Variants in ATP8B4 observed in about 807,000 individuals in gnomAD.
ATP8B4 encodes the protein ATPase phospholipid transporting 8B4 (putative), also known as probable phospholipid-transporting ATPase IM.
A neutral mutation model predicts 145.6 loss-of-function variants in ATP8B4; 133 were observed. That is an observed-to-expected ratio of 0.91 (90% CI 0.79 to 1.05). ATP8B4 has a LOEUF of 1.05. ATP8B4 is among the 50% of genes least tolerant of loss of function. ATP8B4 has a pLI of 0.00. For synonymous variants in ATP8B4, 507 were observed against 492.9 expected (o/e 1.03, Z -0.38); for missense variants, 1,458 against 1,425.2 (o/e 1.02, Z -0.37).
intron 1 of ATP8B4, among the ~76,000 whole-genome samples, chr15:50,172,644 G>C (rs980994275): frequency 6.7e-6 from 1 of 149,152 alleles, no homozygotes; most frequent in Non-Finnish European, 1.5e-5. Context: ...CGGCCACCCA[G>C]TCTGGGAAGT....
chr15:50,141,205 T>C (rs2044204170), intron 1 of ATP8B4, among the ~76,000 whole-genome samples: 1 of 152,144 alleles, frequency 6.6e-6, no homozygotes, highest in East Asian at 1.9e-4. Context: ...CCTTTTCCTC[T>C]TCCTGTTTGG....
chr15:49,862,497 A>C, intron 26 of ATP8B4, 122 bp from the exon 27 acceptor site: 1 of 1,163,884 alleles, frequency 8.6e-7, no homozygotes, highest in Non-Finnish European at 1.2e-6. Context: ...TCTGTCTTCC[A>C]GGCTGGTGGA....
chr15:49,869,012 G>A (rs1291276847), intron 25 of ATP8B4, among the ~76,000 whole-genome samples: 2 of 152,094 alleles, frequency 1.3e-5, no homozygotes, highest in East Asian at 1.9e-4. Flanking sequence ...GGGTTCAAGC[G>A]ATTCTCCTGC....
At chr15:50,033,954 AGTCCAT>A (rs2050637558) in intron 6 of ATP8B4, among the ~76,000 whole-genome samples, 1 of 152,178 alleles carries the variant, frequency 6.6e-6, no homozygotes, top group African/African-American at 2.4e-5. Context: ...TTCTTCATCC[AGTCCAT>A]TATTGATGGG....
rs1246066998 is a variant in ATP8B4, at chr15:49,979,670, G to C, written c.981C>G (p.Phe327Leu). The change falls in exon 12 of 28, where the codon TTC becomes TTG. Residue 327 changes from phenylalanine (F) to leucine (L), a missense_variant. Transcript: ENST00000284509. ...TATTGAGAATAATAATATATGACCAGAATGTTAAGAATCCGGAGAACACAG... is the reference window on the plus strand; with the variant it reads ...TATTGAGAATAATAATATATGACCACAATGTTAAGAATCCGGAGAACACAG... ...KSSVFSGFLT[F>L]WSYIIILNTV... The C allele has an allele frequency of 1.2e-6, 2 of 1,604,746 alleles. No individual in the cohort carries two copies. The highest frequency in any genetic ancestry group is 2.7e-5 in the African/African-American group (2 of 74,662).
intron 2 of ATP8B4, among the ~76,000 whole-genome samples, chr15:50,085,876 TTTATATATTTATATATGATATATATCA>T (rs2054889260): frequency 3.1e-5 from 1 of 32,050 alleles, no homozygotes; most frequent in Non-Finnish European, 5.5e-5. Flanking sequence ...ATCATATATA[TTTATATATTTATATATGATATATATCA>T]TATATATTTA....
chr15:49,938,847 CAT>C (rs2041941948), intron 14 of ATP8B4, among the ~76,000 whole-genome samples: 1 of 152,150 alleles, frequency 6.6e-6, no homozygotes, highest in African/African-American at 2.4e-5. Context: ...AGATCAACCA[CAT>C]ACTCAGCCAT....
intron 1 of ATP8B4, among the ~76,000 whole-genome samples, chr15:50,158,033 A>G (rs1285061121): frequency 2.0e-5 from 3 of 152,234 alleles, no homozygotes; most frequent in African/African-American, 4.8e-5. Flanking sequence ...CCGGGATTGC[A>G]GACGGAGTCT....
intron 20 of ATP8B4, among the ~76,000 whole-genome samples, chr15:49,915,633 G>T (rs1447836606): frequency 6.6e-6 from 1 of 151,796 alleles, no homozygotes; most frequent in Non-Finnish European, 1.5e-5. Context: ...AAAAGGTAAA[G>T]AATCTACTTT....
chr15:50,149,637 A>C (rs2044322299), intron 1 of ATP8B4, among the ~76,000 whole-genome samples: 1 of 152,218 alleles, frequency 6.6e-6, no homozygotes, highest in African/African-American at 2.4e-5. Context: ...TTAGAATGAA[A>C]TTCTAATAGA....
At chr15:50,129,946 C>CAAAAAAAAAA (rs59921497) in intron 1 of ATP8B4, among the ~76,000 whole-genome samples, 1 of 88,154 alleles carries the variant, frequency 1.1e-5, no homozygotes, top group Non-Finnish European at 2.2e-5. Flanking sequence ...GACTCTGACT[C>CAAAAAAAAAA]AAAAAAAAAA....
intron 10 of ATP8B4, among the ~76,000 whole-genome samples, chr15:49,985,156 G>A (rs949272859): frequency 1.3e-5 from 2 of 151,508 alleles, no homozygotes; most frequent in Non-Finnish European, 2.9e-5. Context: ...GAGTGCAGTG[G>A]TGCAATCGCA....
At chr15:49,925,881 A>G (rs902658959) in intron 16 of ATP8B4, among the ~76,000 whole-genome samples, 1 of 152,188 alleles carries the variant, frequency 6.6e-6, no homozygotes, top group Admixed American at 6.5e-5. Flanking sequence ...TCATTTCAGA[A>G]GTTAGTATTT....
At chr15:50,064,227 C>G (rs777438238) in intron 3 of ATP8B4, among the ~76,000 whole-genome samples, 3 of 152,110 alleles carry the variant, frequency 2.0e-5, no homozygotes, top group Admixed American at 6.6e-5. Flanking sequence ...ACAATTGGTA[C>G]ACAATGATGT....
intron 14 of ATP8B4, among the ~76,000 whole-genome samples, chr15:49,942,568 C>T (rs1371846123): frequency 3.3e-5 from 5 of 151,940 alleles, no homozygotes; most frequent in Non-Finnish European, 7.4e-5. Context: ...CCCATATCTC[C>T]CCACATCCTA....
chr15:49,991,297 C>A (rs2047026935), intron 9 of ATP8B4, among the ~76,000 whole-genome samples: 1 of 152,270 alleles, frequency 6.6e-6, no homozygotes, highest in South Asian at 2.1e-4. Flanking sequence ...AAGAGTCAAC[C>A]TTTCCTCGGT....
At chr15:49,971,687 G>A (rs1599530633) in intron 13 of ATP8B4, among the ~76,000 whole-genome samples, 2 of 152,192 alleles carry the variant, frequency 1.3e-5, no homozygotes, top group East Asian at 3.8e-4. Context: ...ATGTGAATTA[G>A]TTCAACCATT....
intron 3 of ATP8B4, among the ~76,000 whole-genome samples, chr15:50,060,904 G>A (rs983513764): frequency 4.6e-5 from 7 of 152,078 alleles, no homozygotes; most frequent in African/African-American, 1.7e-4. Context: ...AGTTTTGATA[G>A]GCACAAATTG....
intron 1 of ATP8B4, among the ~76,000 whole-genome samples, chr15:50,114,224 T>C (rs1163512306): frequency 6.7e-6 from 1 of 149,330 alleles, no homozygotes; most frequent in Non-Finnish European, 1.5e-5. Flanking sequence ...ATGAGTAGTA[T>C]ACACTGCACC....
Sources: gnomAD v4.1 joint callset for allele counts (sites outside exome capture counted in the v4.1 genomes callset) on GRCh38, gnomAD v4.1.1 for gene constraint, MANE v1.5 for transcripts, NCBI Gene and HGNC (gene_info 2026-07-23, HGNC 2026-07-21) for gene names.